The following FCHO2 variants were observed in gnomAD, a reference collection of about 807,000 sequenced individuals.
FCHO2 encodes the protein FCH and mu domain containing endocytic adaptor 2.
FCHO2 carries 43 observed loss-of-function variants against 114.1 expected under a neutral mutation model. That is an observed-to-expected ratio of 0.38 (90% CI 0.30 to 0.49). The LOEUF (loss-of-function observed/expected upper bound fraction) is 0.49. Ranked by LOEUF, FCHO2 falls within the 20% of genes least tolerant of loss-of-function variation. The pLI is 0.97. For missense variants in FCHO2, 807 were observed against 950.4 expected, an observed-to-expected ratio of 0.85 and a Z score of 1.98; for synonymous variants, 293 against 315.2, an observed-to-expected ratio of 0.93 and a Z score of 0.75.
At chr5:73,013,973 C>T (rs546855593) in intron 6 of FCHO2, among the ~76,000 whole-genome samples, 44 of 152,276 alleles carry the variant, frequency 2.9e-4, no homozygotes, top group African/African-American at 9.9e-4. Flanking sequence ...TGTGAGCCAC[C>T]GTGCCTGGCC....
intron 8 of FCHO2, among the ~76,000 whole-genome samples, chr5:73,026,233 G>C (rs1227512166): frequency 6.6e-6 from 1 of 152,100 alleles, no homozygotes; most frequent in Non-Finnish European, 1.5e-5. Flanking sequence ...GGCCAAGGTG[G>C]GTGGATCACC....
chr5:73,032,704 C>T (rs1377654497), intron 8 of FCHO2, among the ~76,000 whole-genome samples: 1 of 152,002 alleles, frequency 6.6e-6, no homozygotes, highest in East Asian at 1.9e-4. Flanking sequence ...ATGGTACTTA[C>T]TTTTTTCTAC....
intron 5 of FCHO2, among the ~76,000 whole-genome samples, chr5:73,001,086 T>C (rs900848293): frequency 2.0e-4 from 30 of 152,128 alleles, no homozygotes; most frequent in Non-Finnish European, 3.2e-4. Context: ...GAAAGATGTT[T>C]CTTGCTTTCA....
chr5:72,969,302 A>C (rs1752380524), intron 2 of FCHO2, among the ~76,000 whole-genome samples: 1 of 152,210 alleles, frequency 6.6e-6, no homozygotes, highest in South Asian at 2.1e-4. Flanking sequence ...GCTGTGTACC[A>C]GCTACTTGTC....
At position 73,015,615 on chromosome 5, in the gene FCHO2, A is replaced by G. The variant is rs760762282; in HGVS notation, c.601-11A>G. 1.4e-6 allele frequency: 2 copies of G among 1,462,260 alleles called. No individual in the cohort carries two copies. Among genetic ancestry groups the G allele is most frequent in the African/African-American group, 1.4e-5 (1 of 69,450 alleles). The allele number at this position is 1,462,260 out of a possible 1,614,324, so 90.6% of individuals were successfully genotyped here. On this transcript the variant is annotated splice_polypyrimidine_tract_variant and intron_variant, in intron 6 of 25. Coordinates refer to ENST00000430046, the MANE Select transcript of FCHO2 (RefSeq NM_138782.3). ...ATGTTATAAATCTATAACTTTGTAT[A>G]TGTTACCCAGAAATTTCAAGATATT...
intron 24 of FCHO2, among the ~76,000 whole-genome samples, chr5:73,084,560 T>C (rs1299693311): frequency 1.3e-5 from 2 of 152,138 alleles, no homozygotes; most frequent in African/African-American, 2.4e-5. Context: ...GCCACCATGC[T>C]CAGCCTAGTC....
chr5:72,962,600 A>T (rs1223500759), intron 1 of FCHO2, among the ~76,000 whole-genome samples: 1 of 152,130 alleles, frequency 6.6e-6, no homozygotes, highest in Non-Finnish European at 1.5e-5. Flanking sequence ...AAAATTAAAG[A>T]ATATTAGAGT....
chr5:73,087,896 C>A, intron 25 of FCHO2, 143 bp downstream of exon 25: 2 of 1,361,752 alleles, frequency 1.5e-6, no homozygotes, highest in Non-Finnish European at 2.0e-6. Context: ...CAGGTAGAGA[C>A]ACACCTGGGA....
chr5:73,009,785 A>C (rs1002857380), intron 6 of FCHO2, among the ~76,000 whole-genome samples: 1 of 152,132 alleles, frequency 6.6e-6, no homozygotes, highest in African/African-American at 2.4e-5. Flanking sequence ...GATCTGTCCA[A>C]CTCGGCCTCC....
chr5:73,005,693 A>C (rs1754680417), intron 5 of FCHO2, among the ~76,000 whole-genome samples: 1 of 152,128 alleles, frequency 6.6e-6, no homozygotes, highest in South Asian at 2.1e-4. Flanking sequence ...TTCCTTTCTC[A>C]AATGCCTATC....
At chr5:73,050,625 G>T (rs1465507301) in intron 11 of FCHO2, among the ~76,000 whole-genome samples, 1 of 152,064 alleles carries the variant, frequency 6.6e-6, no homozygotes, top group Non-Finnish European at 1.5e-5. Flanking sequence ...CCCGCTTTCT[G>T]TGTTTTTATT....
chr5:73,052,575 C>A, intron 13 of FCHO2, 68 bp downstream of exon 13: 1 of 1,231,752 alleles, frequency 8.1e-7, no homozygotes, highest in Non-Finnish European at 1.1e-6. Flanking sequence ...TGTGTCTGGT[C>A]AAACATTACT....
intron 2 of FCHO2, among the ~76,000 whole-genome samples, chr5:72,977,296 T>G (rs1752942782): frequency 6.6e-6 from 1 of 152,218 alleles, no homozygotes; most frequent in Non-Finnish European, 1.5e-5. Context: ...TGTTGTTTCC[T>G]GACTTTTTAA....
intron 17 of FCHO2, among the ~76,000 whole-genome samples, chr5:73,062,370 G>A (rs777124096): frequency 1.4e-4 from 21 of 152,142 alleles, no homozygotes; most frequent in Non-Finnish European, 2.8e-4. Context: ...ATGCCATTTG[G>A]ACAGACCACT....
chr5:73,077,674 A>G (rs991366735), intron 21 of FCHO2, among the ~76,000 whole-genome samples, 181 bp downstream of exon 21: 2 of 151,658 alleles, frequency 1.3e-5, no homozygotes, highest in African/African-American at 4.9e-5. Context: ...TACCAAAAAA[A>G]CAAAAAACAA....
intron 8 of FCHO2, among the ~76,000 whole-genome samples, chr5:73,022,484 C>T (rs1005869548): frequency 6.6e-6 from 1 of 152,098 alleles, no homozygotes; most frequent in African/African-American, 2.4e-5. Context: ...AGTGTCATTT[C>T]CTAAGACACT....
intron 6 of FCHO2, among the ~76,000 whole-genome samples, chr5:73,011,931 G>A (rs1001294415): frequency 6.6e-6 from 1 of 151,158 alleles, no homozygotes; most frequent in African/African-American, 2.4e-5. Flanking sequence ...AAAAAGTATC[G>A]CCTATGGTAA....
In FCHO2 at chr5:73,002,339, A is replaced by G. The variant is rs1262313715; in HGVS notation, c.496-4106A>G. ...TCTTCCCTCCATGTCTTAAAGGCCT[A>G]TAATGTTTGATGCATAGTGTTATAA... On this transcript the variant is annotated intron_variant, in intron 5 of 25. Coordinates refer to ENST00000430046, the MANE Select transcript of FCHO2 (RefSeq NM_138782.3). 3.3e-5 allele frequency among the ~76,000 whole-genome samples: 5 copies of G among 152,312 alleles called. No individual in the cohort carries two copies. In the East Asian group the frequency reaches 9.6e-4, roughly 29 times the overall value.
Position 73,037,187 on chromosome 5 carries a change from A to G in FCHO2, c.886A>G (p.Ile296Val), listed in dbSNP as rs780220825. 23 of 1,599,270 alleles carry G rather than the reference A, an allele frequency of 1.4e-5. No homozygotes were observed. The highest frequency in any genetic ancestry group is 1.9e-5 in the Non-Finnish European group (22 of 1,173,520). ...AAAGACCTTTGCTTTGCCAGGAATC[A>G]TTAAAAAGGAAAAAGATGCAGAATC... Reference protein sequence around the residue: ...KRKTFALPGIIKKEKDAESVE... With the variant: ...KRKTFALPGIVKKEKDAESVE... Residue 296 changes from isoleucine (I) to valine (V), a missense_variant, in exon 10 of 26, where the codon ATT (isoleucine) becomes GTT (valine). Ile to Val is a conservative substitution (Grantham distance 29). Coordinates refer to ENST00000430046, the MANE Select transcript of FCHO2 (RefSeq NM_138782.3).
Sources: allele counts gnomAD v4.1 joint callset (sites outside exome capture counted in the v4.1 genomes callset), GRCh38; gene constraint gnomAD v4.1.1; transcripts MANE v1.5; gene names NCBI Gene and HGNC (gene_info 2026-07-23, HGNC 2026-07-21).